The following COL28A1 variants were observed in gnomAD, a reference collection of about 807,000 sequenced individuals.
COL28A1 encodes collagen type XXVIII alpha 1 chain.
In COL28A1, 161 loss-of-function variants were observed where a neutral mutation model predicts 150.2. That is an observed-to-expected ratio of 1.07 (90% CI 0.94 to 1.22). The LOEUF (loss-of-function observed/expected upper bound fraction) is 1.22, where lower values mean the gene tolerates loss of function less well. Ranked by LOEUF, COL28A1 falls within the 50% of genes most tolerant of loss-of-function variation. COL28A1 has a pLI of 0.00. For missense variants in COL28A1, 1,617 were observed against 1,388.3 expected (o/e 1.16, Z -2.62); for synonymous variants, 552 against 469.7 (o/e 1.18, Z -2.26).
At chr7:7,498,971 A>C (rs1271326465) in intron 11 of COL28A1, among the ~76,000 whole-genome samples, 1 of 152,144 alleles carries the variant, frequency 6.6e-6, no homozygotes, top group Non-Finnish European at 1.5e-5. Flanking sequence ...TGCATCAGCT[A>C]TTTGGGAATA....
chr7:7,495,594 T>C (rs565594503), intron 11 of COL28A1, among the ~76,000 whole-genome samples: 34 of 152,240 alleles, frequency 2.2e-4, no homozygotes, highest in African/African-American at 7.5e-4. Context: ...AATGGGAACC[T>C]AGGGGTCATT....
intron 15 of COL28A1, among the ~76,000 whole-genome samples, chr7:7,464,607 A>C (rs897804341): frequency 6.6e-6 from 1 of 152,228 alleles, no homozygotes; most frequent in African/African-American, 2.4e-5. Context: ...AAAATTCTTC[A>C]AACTGAATGA....
At position 7,425,708 on chromosome 7, in the gene COL28A1, G is replaced by A. The variant is rs554836672; in HGVS notation, c.1999-5755C>T. Among the ~76,000 whole-genome samples, 8 of 152,224 alleles carry A rather than the reference G, an allele frequency of 5.3e-5. No individual in the cohort carries two copies. The South Asian group carries it at 1.7e-3, about 32-fold the overall frequency. On this transcript the variant is annotated intron_variant, in intron 25 of 34. Transcript: ENST00000399429. ...TGAATTTGTTAGGATTCATAAAGAT[G>A]TTTTACATACATTAGTCTATTAATT...
intron 22 of COL28A1, 147 bp from the exon 23 acceptor site, chr7:7,436,610 G>C (rs2128316904): frequency 3.2e-6 from 2 of 618,242 alleles, no homozygotes; most frequent in East Asian, 2.8e-5. Flanking sequence ...ACATATTTGA[G>C]GGGACTTTCA....
chr7:7,348,545 G>A, the COL28A1 span, among the ~76,000 whole-genome samples: 2 of 151,984 alleles, frequency 1.3e-5, no homozygotes, highest in Non-Finnish European at 2.9e-5. Flanking sequence ...AGCTATAAAT[G>A]ACACACAATA....
At chr7:7,454,005 A>C (rs936790707) in intron 16 of COL28A1, among the ~76,000 whole-genome samples, 2 of 152,218 alleles carry the variant, frequency 1.3e-5, no homozygotes, top group Non-Finnish European at 2.9e-5. Context: ...TAGTCAGTAG[A>C]TACCAAACTG....
chr7:7,525,124 T>G (rs991989760), intron 3 of COL28A1, among the ~76,000 whole-genome samples: 4 of 152,106 alleles, frequency 2.6e-5, no homozygotes, highest in Non-Finnish European at 5.9e-5. Flanking sequence ...AAAAACAAAT[T>G]TAATGAGTCT....
intron 27 of COL28A1, among the ~76,000 whole-genome samples, chr7:7,414,838 C>T (rs1333860263): frequency 6.6e-6 from 1 of 152,200 alleles, no homozygotes; most frequent in Non-Finnish European, 1.5e-5. Flanking sequence ...TAGGACCTCA[C>T]AAGGGCCCTG....
chr7:7,443,727 C>CT, intron 19 of COL28A1, 74 bp from the exon 20 acceptor site: 1 of 1,581,794 alleles, frequency 6.3e-7, no homozygotes, highest in Non-Finnish European at 8.6e-7. Flanking sequence ...ACCTTGTCTC[C>CT]TTTTATCATT....
chr7:7,538,111 G>C (rs1027215175), upstream of COL28A1, among the ~76,000 whole-genome samples: 1 of 152,090 alleles, frequency 6.6e-6, no homozygotes, highest in Non-Finnish European at 1.5e-5. Context: ...ATTCTCAAGC[G>C]TGAAAATCAG....
At chr7:7,535,695 T>C (rs1158104285) in intron 1 of COL28A1, 55 bp downstream of exon 1, 1 of 152,196 alleles carries the variant, frequency 6.6e-6, no homozygotes, top group Non-Finnish European at 1.5e-5. Flanking sequence ...CTTCCACAGT[T>C]CCTTGATGGT....
intron 33 of COL28A1, among the ~76,000 whole-genome samples, chr7:7,361,926 A>G (rs1275762458): frequency 6.6e-6 from 1 of 152,216 alleles, no homozygotes; most frequent in Non-Finnish European, 1.5e-5. Flanking sequence ...AAACTAACAC[A>G]GGAACAGAAA....
chr7:7,437,528 A>T, intron 21 of COL28A1, 66 bp from the exon 22 acceptor site: 1 of 1,538,188 alleles, frequency 6.5e-7, no homozygotes, highest in Non-Finnish European at 8.8e-7. Flanking sequence ...CAATATTAAG[A>T]AAAGTACAGA....
intron 15 of COL28A1, among the ~76,000 whole-genome samples, chr7:7,473,837 C>T (rs6950825): frequency 0.38 from 57,708 of 151,126 alleles, 13,609 homozygotes; most frequent in African/African-American, 0.67. Flanking sequence ...ATATATATTA[C>T]AGTGTGTGTG....
At chr7:7,472,768 A>G (rs968013000) in intron 15 of COL28A1, among the ~76,000 whole-genome samples, 1 of 152,230 alleles carries the variant, frequency 6.6e-6, no homozygotes, top group Non-Finnish European at 1.5e-5. Context: ...ACCTGATTTC[A>G]AACTACACTA....
intron 3 of COL28A1, among the ~76,000 whole-genome samples, chr7:7,525,459 G>C (rs1401840588): frequency 1.3e-5 from 2 of 152,178 alleles, no homozygotes; most frequent in Non-Finnish European, 2.9e-5. Context: ...TTTATATATA[G>C]AATTAGTACT....
chr7:7,481,238 A>G (rs1408564537), intron 13 of COL28A1, among the ~76,000 whole-genome samples: 1 of 152,230 alleles, frequency 6.6e-6, no homozygotes, highest in Non-Finnish European at 1.5e-5. Context: ...TAAGGAGCCA[A>G]GTATTCAAAG....
At chr7:7,395,799 C>T (rs1320540830) in intron 27 of COL28A1, among the ~76,000 whole-genome samples, 2 of 152,126 alleles carry the variant, frequency 1.3e-5, no homozygotes, top group African/African-American at 2.4e-5. Context: ...ATAATTTTAC[C>T]ATTCTTTCCT....
intron 21 of COL28A1, among the ~76,000 whole-genome samples, chr7:7,438,320 G>A (rs1276923891): frequency 6.6e-6 from 1 of 152,158 alleles, no homozygotes; most frequent in Non-Finnish European, 1.5e-5. Flanking sequence ...ATTTAGTGGG[G>A]GAGATGTCTA....
Sources: allele counts gnomAD v4.1 joint callset (sites outside exome capture counted in the v4.1 genomes callset), GRCh38; gene constraint gnomAD v4.1.1; transcripts MANE v1.5; gene names NCBI Gene and HGNC (gene_info 2026-07-23, HGNC 2026-07-21).